SLC26A7: variants seen among roughly 807,000 people sequenced by gnomAD.
SLC26A7 encodes anion exchange transporter.
In SLC26A7, 59 loss-of-function variants were observed where a neutral mutation model predicts 82.5. The ratio of observed to expected loss-of-function variants is 0.72; its 90% CI spans 0.58 to 0.89. The LOEUF (loss-of-function observed/expected upper bound fraction) is 0.89. SLC26A7 is among the 40% of genes least tolerant of loss of function. The probability of loss-of-function intolerance (pLI) is 0.00; values close to 1 mark genes in which losing one functional copy is unlikely to be tolerated. For synonymous variants in SLC26A7, 271 were observed against 274.3 expected (o/e 0.99, Z 0.12); for missense variants, 820 against 793.0 (o/e 1.03, Z -0.41).
chr8:91,274,500 G>A (rs1811354146), intron 2 of SLC26A7, among the ~76,000 whole-genome samples: 1 of 152,164 alleles, frequency 6.6e-6, no homozygotes. Flanking sequence ...GAGAGAGGAA[G>A]AAAGAGAGAT....
intron 4 of SLC26A7, among the ~76,000 whole-genome samples, chr8:91,297,935 T>C (rs1031560460): frequency 2.0e-5 from 3 of 152,168 alleles, no homozygotes; most frequent in Admixed American, 1.3e-4. Flanking sequence ...GTTAATAAGA[T>C]TGTATTGTTA....
At chr8:91,225,299 A>G (rs1419277220) in intron 2 of SLC26A7, among the ~76,000 whole-genome samples, 2 of 152,150 alleles carry the variant, frequency 1.3e-5, no homozygotes, top group Non-Finnish European at 2.9e-5. Context: ...TCCCAGTGGC[A>G]TGGGTTTGCA....
intron 2 of SLC26A7, among the ~76,000 whole-genome samples, chr8:91,255,989 G>T (rs1310666242): frequency 1.3e-5 from 2 of 152,084 alleles, no homozygotes; most frequent in Admixed American, 1.3e-4. Context: ...AGATTAGTTT[G>T]GGTGAATAAC....
chr8:91,305,093 G>A (rs1286007030), intron 4 of SLC26A7, among the ~76,000 whole-genome samples: 1 of 152,134 alleles, frequency 6.6e-6, no homozygotes, highest in East Asian at 1.9e-4. Flanking sequence ...TAGACTGTGA[G>A]TCTCTATAGA....
intron 4 of SLC26A7, among the ~76,000 whole-genome samples, chr8:91,309,579 G>T (rs1204194950): frequency 6.6e-6 from 1 of 152,066 alleles, no homozygotes; most frequent in Non-Finnish European, 1.5e-5. Flanking sequence ...CAGGTCTGCA[G>T]CAACCTCAAT....
At chr8:91,238,696 G>A (rs893086069) in intron 2 of SLC26A7, among the ~76,000 whole-genome samples, 1 of 151,770 alleles carries the variant, frequency 6.6e-6, no homozygotes, top group Non-Finnish European at 1.5e-5. Flanking sequence ...TACAATCCCG[G>A]TTATGTTAAG....
chr8:91,270,775 T>C (rs1811246990), intron 2 of SLC26A7, among the ~76,000 whole-genome samples: 1 of 152,200 alleles, frequency 6.6e-6, no homozygotes, highest in African/African-American at 2.4e-5. Context: ...AATAAATTGT[T>C]CTTTTCGCTA....
intron 13 of SLC26A7, among the ~76,000 whole-genome samples, chr8:91,366,242 G>C (rs889020118): frequency 6.6e-6 from 1 of 152,070 alleles, no homozygotes; most frequent in East Asian, 1.9e-4. Flanking sequence ...TTTTTAATTG[G>C]TAGATTGAAT....
At chr8:91,273,333 G>A (rs1243998623) in intron 2 of SLC26A7, among the ~76,000 whole-genome samples, 1 of 152,136 alleles carries the variant, frequency 6.6e-6, no homozygotes. Context: ...GTCATGGTAT[G>A]GGATTGGATC....
chr8:91,287,358 C>A (rs1410623340), intron 2 of SLC26A7, among the ~76,000 whole-genome samples: 1 of 152,118 alleles, frequency 6.6e-6, no homozygotes, highest in Non-Finnish European at 1.5e-5. Context: ...ATAAGGCAGA[C>A]AGATAAGCAG....
intron 2 of SLC26A7, among the ~76,000 whole-genome samples, chr8:91,250,223 A>C (rs2130696261): frequency 6.6e-6 from 1 of 152,210 alleles, no homozygotes; most frequent in Admixed American, 6.6e-5. Context: ...TCGTTTTGGA[A>C]CCTAATTAGC....
intron 9 of SLC26A7, among the ~76,000 whole-genome samples, chr8:91,350,101 T>C (rs1813672067): frequency 6.6e-6 from 1 of 152,150 alleles, no homozygotes; most frequent in Non-Finnish European, 1.5e-5. Flanking sequence ...GTTTTTCCCC[T>C]TTGTATGCTG....
intron 11 of SLC26A7, among the ~76,000 whole-genome samples, chr8:91,353,979 G>A (rs1029561198): frequency 6.6e-6 from 1 of 152,088 alleles, no homozygotes; most frequent in African/African-American, 2.4e-5. Flanking sequence ...GGGGAAAATA[G>A]AGGCAGAAGC....
intron 2 of SLC26A7, 55 bp from the exon 3 acceptor site, chr8:91,289,081 C>A: frequency 1.8e-6 from 2 of 1,116,210 alleles, no homozygotes; most frequent in Non-Finnish European, 2.7e-6. Flanking sequence ...TTTTGTGTAA[C>A]AGACTGTGTC....
At chr8:91,276,981 C>G (rs1224552049) in intron 2 of SLC26A7, among the ~76,000 whole-genome samples, 1 of 152,154 alleles carries the variant, frequency 6.6e-6, no homozygotes, top group African/African-American at 2.4e-5. Flanking sequence ...AACACACATA[C>G]ATGCCTCTGG....
intron 2 of SLC26A7, among the ~76,000 whole-genome samples, chr8:91,255,101 T>C (rs1283783136): frequency 6.6e-6 from 1 of 152,106 alleles, no homozygotes; most frequent in Admixed American, 6.6e-5. Context: ...CTGAAATGCA[T>C]GACTTGCCAT....
chr8:91,356,299 T>G (rs1381349200), intron 11 of SLC26A7, among the ~76,000 whole-genome samples: 1 of 152,310 alleles, frequency 6.6e-6, no homozygotes, highest in African/African-American at 2.4e-5. Flanking sequence ...CTGAGGAATC[T>G]CCACACTGAC....
chr8:91,242,420 A>G (rs2130686902), intron 2 of SLC26A7, among the ~76,000 whole-genome samples: 1 of 138,358 alleles, frequency 7.2e-6, no homozygotes, highest in African/African-American at 2.5e-5. Flanking sequence ...ATAAAGGCCT[A>G]TATACAGCAT....
intron 11 of SLC26A7, among the ~76,000 whole-genome samples, chr8:91,353,439 C>T (rs1439022940): frequency 6.6e-6 from 1 of 152,130 alleles, no homozygotes; most frequent in East Asian, 1.9e-4. Context: ...ATTCTAAATA[C>T]AAAAGGTCTC....
Sources: allele counts gnomAD v4.1 joint callset (sites outside exome capture counted in the v4.1 genomes callset), GRCh38; gene constraint gnomAD v4.1.1; transcripts MANE v1.5; gene names NCBI Gene and HGNC (gene_info 2026-07-23, HGNC 2026-07-21).